The following EPN1 variants were observed in gnomAD, a reference collection of about 807,000 sequenced individuals.
The protein encoded by EPN1 is epsin-1.
Under a neutral mutation model 56.9 loss-of-function variants are expected in EPN1, and 25 were observed. That is an observed-to-expected ratio of 0.44 (90% confidence interval 0.32 to 0.61). The LOEUF (loss-of-function observed/expected upper bound fraction) is 0.61, where lower values mean the gene tolerates loss of function less well. Among genes scored for constraint, EPN1 ranks in the 20% least tolerant of loss-of-function variants. The pLI, the probability that EPN1 is intolerant of heterozygous loss-of-function variation, is 0.05. For missense variants in EPN1, 785 were observed against 823.7 expected, an observed-to-expected ratio of 0.95 and a Z score of 0.58; for synonymous variants, 411 against 361.8, an observed-to-expected ratio of 1.14 and a Z score of -1.54.
At chr19:55,686,311 C>T (rs923782915) in intron 3 of EPN1, among the ~76,000 whole-genome samples, 4 of 152,226 alleles carry the variant, frequency 2.6e-5, no homozygotes, top group African/African-American at 9.6e-5. Context: ...CGGGGGCTCA[C>T]AGCCGTGAAG....
At chr19:55,681,033 T>G (rs1985782758) in intron 2 of EPN1, among the ~76,000 whole-genome samples, 1 of 152,208 alleles carries the variant, frequency 6.6e-6, no homozygotes, top group Non-Finnish European at 1.5e-5. Flanking sequence ...CTGCCGAGGC[T>G]CGTGGGGGAG....
In EPN1 at chr19:55,691,396, G is replaced by T. The variant is rs1013327293; in HGVS notation, c.763-358G>T. Among the ~76,000 whole-genome samples, 1 of 151,992 alleles carries T rather than the reference G, an allele frequency of 6.6e-6. No homozygotes were observed. The highest frequency in any genetic ancestry group is 1.5e-5 in the Non-Finnish European group (1 of 67,966). ...ATCGAGCTGCTTCGGGTCGAGCGAG[G>T]GGAGGGCTTGGCCTCCATCCTCAGT... On this transcript the variant is annotated intron_variant, in intron 6 of 10. Transcript: ENST00000270460. The surrounding 1 kb of genome is among the most constrained non-coding windows in gnomAD (Gnocchi z 5.6).
rs927301907 is a variant in EPN1, at chr19:55,691,087, T to C, written c.763-667T>C. ...CTGCACGTTCTGAGACGGGCTCTGG[T>C]TAGCTGGGCCCGTCGTGTGCCCACT... On this transcript the variant is annotated intron_variant, in intron 6 of 10. Transcript: ENST00000270460. The surrounding 1 kb of genome is among the most constrained non-coding windows in gnomAD (Gnocchi z 5.6). 3.9e-5 allele frequency among the ~76,000 whole-genome samples: 6 copies of C among 152,152 alleles called. No homozygotes were observed.
rs555360493 is a variant in EPN1, at chr19:55,706,286, T to C, written c.*10930T>C. 105 of 148,446 alleles carry C rather than the reference T, an allele frequency of 7.1e-4. 1 individual carries two copies. The highest frequency in any genetic ancestry group is 3.2e-3 in the Middle Eastern group (1 of 310). 9.2% of individuals were successfully genotyped at this position (148,446 alleles called of 1,614,324 possible). A position where few individuals can be genotyped will look rare whatever the true frequency, so the allele number is the denominator to read the frequency against. On this transcript the variant is annotated 3_prime_UTR_variant, in exon 11 of 11. Transcript: ENST00000270460. ...CCTTTCTTCTCTTTTTCTTCTTCTT[T>C]TTTTTTTTTTTTTAAAAGACCGTGT...
chr19:55,683,776 G>A (rs1472004757), intron 2 of EPN1, among the ~76,000 whole-genome samples: 1 of 152,170 alleles, frequency 6.6e-6, no homozygotes, highest in South Asian at 2.1e-4. Context: ...TTTTAGCTGC[G>A]ATACCAAAGT....
rs1298866595 is a variant in EPN1, at chr19:55,707,569, C to G, written c.*12213C>G. ...CTCTTCAGTTCAGACCACCTGGAAA[C>G]CCTCCCCATGTCTTTTCAGAACAAT... On this transcript the variant is annotated 3_prime_UTR_variant, in exon 11 of 11. Transcript: ENST00000270460. 6.5e-6 allele frequency: 1 copy of G among 154,426 alleles called. No homozygotes were observed. The highest frequency in any genetic ancestry group is 1.5e-5 in the Non-Finnish European group (1 of 68,240). 9.6% of individuals were successfully genotyped at this position (154,426 alleles called of 1,614,324 possible).
chr19:55,689,773 G>T lies in EPN1; in HGVS notation c.679-94G>T. ...TCGAATCCTTCAGCCGCTTTCGTTGGGGTGGGAGGGGTTGCTGGGGCTTCC... is the reference window on the plus strand; with the variant it reads ...TCGAATCCTTCAGCCGCTTTCGTTGTGGTGGGAGGGGTTGCTGGGGCTTCC... On this transcript the variant is annotated intron_variant, in intron 5 of 10. Transcript: ENST00000270460. This position sits in a 1 kb window ranked among gnomAD's most constrained non-coding sequence, Gnocchi z 5.7. 2.6e-6 allele frequency: 3 copies of T among 1,151,648 alleles called. No individual in the cohort carries two copies. The highest frequency in any genetic ancestry group is 3.8e-6 in the Non-Finnish European group (3 of 787,578). The allele number at this position is 1,151,648 out of a possible 1,614,324, so 71.3% of individuals were successfully genotyped here. A position where few individuals can be genotyped will look rare whatever the true frequency, so the allele number is the denominator to read the frequency against.
At chr19:55,692,399 A>G (rs1408300487) in intron 7 of EPN1, among the ~76,000 whole-genome samples, 1 of 150,110 alleles carries the variant, frequency 6.7e-6, no homozygotes, top group Non-Finnish European at 1.5e-5. Context: ...CCTGACACCC[A>G]GCTGGACAGG....
chr19:55,683,998 C>T (rs1396625533), intron 2 of EPN1, among the ~76,000 whole-genome samples: 2 of 152,130 alleles, frequency 1.3e-5, no homozygotes, highest in African/African-American at 2.4e-5. Context: ...CACAAGGGCC[C>T]CAGGAGTTGT....
intron 9 of EPN1, 84 bp downstream of exon 9, chr19:55,693,121 C>A: frequency 1.4e-6 from 2 of 1,380,920 alleles, no homozygotes; most frequent in Non-Finnish European, 2.0e-6. Context: ...TGTCTTTGTC[C>A]CACTCCAGGC....
At position 55,698,137 on chromosome 19, in the gene EPN1, TGGG is replaced by T. The variant is rs200941243; in HGVS notation, c.*2786_*2788del. ...TATCAGATGTGAGGGTGGCGGGGGTTGGGGGGGATGGCGGCGGGGTTCATTTGC... is the reference window on the plus strand; with the variant it reads ...TATCAGATGTGAGGGTGGCGGGGGTTGGGGATGGCGGCGGGGTTCATTTGC... On this transcript the variant is annotated 3_prime_UTR_variant, in exon 11 of 11. Transcript: ENST00000270460. The T allele has an allele frequency of 3.9e-5, 1 of 25,542 alleles. No individual in the cohort carries two copies. Among genetic ancestry groups the T allele is most frequent in the Admixed American group, 4.8e-4 (1 of 2,068 alleles). The allele number at this position is 25,542 out of a possible 1,614,324, so 1.6% of individuals were successfully genotyped here.
Position 55,689,173 on chromosome 19 carries a change from C to T in EPN1, c.604-124C>T. The T allele has an allele frequency of 1.8e-6, 2 of 1,130,598 alleles. No homozygotes were observed. The highest frequency in any genetic ancestry group is 2.5e-6 in the Non-Finnish European group (2 of 791,356). The allele number at this position is 1,130,598 out of a possible 1,614,324, so 70.0% of individuals were successfully genotyped here. ...CCGTCCCTCTGCGTGTCACTCTCTG[C>T]CTGTCCCTCACTGGTTCAGGGACCC... On this transcript the variant is annotated intron_variant, in intron 4 of 10. Transcript: ENST00000270460. The surrounding 1 kb of genome is among the most constrained non-coding windows in gnomAD (Gnocchi z 5.7).
In EPN1 at chr19:55,691,275, G is replaced by A. The variant is rs1026707237; in HGVS notation, c.763-479G>A. 6.6e-6 allele frequency among the ~76,000 whole-genome samples: 1 copy of A among 152,104 alleles called. No individual in the cohort carries two copies. The highest frequency in any genetic ancestry group is 2.4e-5 in the African/African-American group (1 of 41,422). On this transcript the variant is annotated intron_variant, in intron 6 of 10. Transcript: ENST00000270460. This position sits in a 1 kb window ranked among gnomAD's most constrained non-coding sequence, Gnocchi z 5.6. Reference sequence around the variant, plus strand: ...AGGGGGCATCGTGAGGGGTGCTCAGGTTGACCTGAGTGGGTTCATGGGGGG... The same window carrying A: ...AGGGGGCATCGTGAGGGGTGCTCAGATTGACCTGAGTGGGTTCATGGGGGG...
Position 55,705,401 on chromosome 19 carries a change from A to T in EPN1, c.*10045A>T, listed in dbSNP as rs1987342384. ...AGTGGCGTGAGCCTGTAATTCCAGC[A>T]GTTTGGGAGGCCGGGGCGAATGGAT... On this transcript the variant is annotated 3_prime_UTR_variant, in exon 11 of 11. Transcript: ENST00000270460. 1 of 152,270 alleles carries T rather than the reference A, an allele frequency of 6.6e-6. No homozygotes were observed. The highest frequency in any genetic ancestry group is 2.4e-5 in the African/African-American group (1 of 41,476). 9.4% of individuals were successfully genotyped at this position (152,270 alleles called of 1,614,324 possible). A position where few individuals can be genotyped will look rare whatever the true frequency, so the allele number is the denominator to read the frequency against.
Position 55,705,604 on chromosome 19 carries a change from G to C in EPN1, c.*10248G>C, listed in dbSNP as rs185547776. 6.6e-6 allele frequency: 1 copy of C among 152,080 alleles called. No individual in the cohort carries two copies. The highest frequency in any genetic ancestry group is 1.5e-5 in the Non-Finnish European group (1 of 68,044). 9.4% of individuals were successfully genotyped at this position (152,080 alleles called of 1,614,324 possible). On this transcript the variant is annotated 3_prime_UTR_variant, in exon 11 of 11. Coordinates refer to ENST00000270460, the MANE Select transcript of EPN1 (RefSeq NM_001130072.2). ...GTGGAGGTTGCAGTGAGCCGAGATC[G>C]CACCATTGCACTCCAGCATGGACAA...
At chr19:55,693,914 T>C (rs1460886009) in intron 9 of EPN1, among the ~76,000 whole-genome samples, 2 of 152,124 alleles carry the variant, frequency 1.3e-5, no homozygotes, top group African/African-American at 4.8e-5. Flanking sequence ...AATTCTTAAA[T>C]CTATTTAAAA....
chr19:55,687,418 GGGTGCCA>G (rs1170706705), intron 3 of EPN1, among the ~76,000 whole-genome samples: 1 of 152,168 alleles, frequency 6.6e-6, no homozygotes, highest in African/African-American at 2.4e-5. Flanking sequence ...GTTGCTGGCT[GGGTGCCA>G]GTATTACCTG....
Position 55,706,280 on chromosome 19 carries a change from C to CTTTTTTTTTTTTTTTTTTTTTTTTT in EPN1, c.*10926_*10927insTTTTTTTTTTTTTTTTTTTTTTTTT, listed in dbSNP as rs1323034565. On this transcript the variant is annotated 3_prime_UTR_variant, in exon 11 of 11. Transcript: ENST00000270460. ...TTTCTTCCTTTCTTCTCTTTTTCTT[C>CTTTTTTTTTTTTTTTTTTTTTTTTT]TTCTTTTTTTTTTTTTTTTAAAAGA... 1 of 129,302 alleles carries CTTTTTTTTTTTTTTTTTTTTTTTTT rather than the reference C, an allele frequency of 7.7e-6. No individual in the cohort carries two copies. Among genetic ancestry groups the CTTTTTTTTTTTTTTTTTTTTTTTTT allele is most frequent in the African/African-American group, 3.2e-5 (1 of 31,642 alleles). The allele number at this position is 129,302 out of a possible 1,614,324, so 8.0% of individuals were successfully genotyped here.
chr19:55,703,688 C>T lies in EPN1; in HGVS notation c.*8332C>T, dbSNP rs1025398325. 6.6e-6 allele frequency: 1 copy of T among 152,184 alleles called. No homozygotes were observed. Among genetic ancestry groups the T allele is most frequent in the Non-Finnish European group, 1.5e-5 (1 of 68,050 alleles). The allele number at this position is 152,184 out of a possible 1,614,324, so 9.4% of individuals were successfully genotyped here. Reference sequence around the variant, plus strand: ...CGTCTGATGGAACTTTCTGAGATGCCGGAAATGTTCTCTGTGCTGTACAAA... The same window carrying T: ...CGTCTGATGGAACTTTCTGAGATGCTGGAAATGTTCTCTGTGCTGTACAAA... On this transcript the variant is annotated 3_prime_UTR_variant, in exon 11 of 11. Coordinates refer to ENST00000270460, the MANE Select transcript of EPN1 (RefSeq NM_001130072.2).
Sources: gnomAD v4.1 joint callset for allele counts (sites outside exome capture counted in the v4.1 genomes callset) on GRCh38, gnomAD v4.1.1 for gene constraint, Gnocchi (gnomAD v3.1) non-coding constraint, MANE v1.5 for transcripts, NCBI Gene and HGNC (gene_info 2026-07-23, HGNC 2026-07-21) for gene names.